TMEM150C: variants seen among roughly 807,000 people sequenced by gnomAD.
TMEM150C encodes tentonin 3.
In TMEM150C, 10 loss-of-function variants were observed where a neutral mutation model predicts 29.9. That is an observed-to-expected ratio of 0.33 (90% CI 0.21 to 0.57). The LOEUF is 0.57. Among genes scored for constraint, TMEM150C ranks in the 20% least tolerant of loss-of-function variants. TMEM150C has a pLI of 0.88. For synonymous variants in TMEM150C, 101 were observed against 112.5 expected (o/e 0.90, Z 0.64); for missense variants, 251 against 303.6 (o/e 0.83, Z 1.29).
intron 1 of TMEM150C, among the ~76,000 whole-genome samples, chr4:82,512,183 A>C (rs1233041259): frequency 6.6e-6 from 1 of 152,110 alleles, no homozygotes; most frequent in Non-Finnish European, 1.5e-5. Flanking sequence ...TGCCCACCCT[A>C]CTTCTCTCCC....
intron 6 of TMEM150C, chr4:82,495,612 C>A: frequency 5.7e-6 from 2 of 351,222 alleles, no homozygotes; most frequent in South Asian, 2.6e-5. Context: ...CTCTTTCTTT[C>A]TCCAGCTTTC....
chr4:82,494,955 T>TG (rs1282260860), intron 6 of TMEM150C: 5 of 616,146 alleles, frequency 8.1e-6, no homozygotes. Context: ...GGCCGAAAGT[T>TG]TAGCATATTC....
intron 1 of TMEM150C, among the ~76,000 whole-genome samples, chr4:82,523,233 G>C (rs1049279144): frequency 6.6e-6 from 1 of 152,160 alleles, no homozygotes; most frequent in African/African-American, 2.4e-5. Flanking sequence ...AGGGATGGGG[G>C]CGGGGGGGTG....
chr4:82,561,431 G>T (rs923915241), intron 1 of TMEM150C, among the ~76,000 whole-genome samples: 2 of 152,172 alleles, frequency 1.3e-5, no homozygotes, highest in African/African-American at 4.8e-5. Flanking sequence ...CTGGCTAACC[G>T]CAAAGTGCAG....
intron 1 of TMEM150C, among the ~76,000 whole-genome samples, chr4:82,538,673 G>A (rs2903815): frequency 0.029 from 4,423 of 152,106 alleles, 99 homozygotes; most frequent in Non-Finnish European, 0.045. Context: ...CCATTACCCC[G>A]GAGAGTTTAT....
chr4:82,551,417 T>A (rs934473157), intron 1 of TMEM150C, among the ~76,000 whole-genome samples: 5 of 152,238 alleles, frequency 3.3e-5, no homozygotes, highest in Non-Finnish European at 7.3e-5. Flanking sequence ...AATGCTTCAA[T>A]AAATCATATT....
In TMEM150C at chr4:82,483,591, C is replaced by T. The variant is rs1723062277; in HGVS notation, c.*1920G>A. 1 of 152,146 alleles carries T rather than the reference C, an allele frequency of 6.6e-6. No individual in the cohort carries two copies. Among genetic ancestry groups the T allele is most frequent in the Admixed American group, 6.5e-5 (1 of 15,276 alleles). 9.4% of individuals were successfully genotyped at this position (152,146 alleles called of 1,614,324 possible). A position where few individuals can be genotyped will look rare whatever the true frequency, so the allele number is the denominator to read the frequency against. ...GAAACAGCCATCTTCCATGCTCTCT[C>T]ACTCATCTTTGAGTCTCTCTCTGAC... On this transcript the variant is annotated 3_prime_UTR_variant, in exon 8 of 8. Transcript: ENST00000449862.
intron 1 of TMEM150C, among the ~76,000 whole-genome samples, chr4:82,537,085 C>G (rs1303498823): frequency 2.0e-5 from 3 of 152,088 alleles, no homozygotes; most frequent in African/African-American, 7.2e-5. Context: ...AGGTTCACAC[C>G]ATTCTCCTGC....
rs181547671 is a variant in TMEM150C at position 82,549,515 on chromosome 4, C to T, written c.-11+12391G>A. 4.4e-3 allele frequency among the ~76,000 whole-genome samples: 677 copies of T among 152,186 alleles called. 3 individuals carry two copies. The highest frequency in any genetic ancestry group is 0.014 in the African/African-American group (587 of 41,520). ...GGTATAGAGTTTCAGTTCTGTAAGA[C>T]GAAAGAAGTTTTGGAGATTGGATGT... On this transcript the variant is annotated intron_variant, in intron 1 of 7. Coordinates refer to ENST00000449862, the MANE Select transcript of TMEM150C (RefSeq NM_001080506.3).
chr4:82,520,411 C>A (rs1164976132), intron 1 of TMEM150C, among the ~76,000 whole-genome samples: 1 of 152,186 alleles, frequency 6.6e-6, no homozygotes, highest in Non-Finnish European at 1.5e-5. Context: ...ATGGTGGCTC[C>A]CCATCCTTCC....
intron 7 of TMEM150C, among the ~76,000 whole-genome samples, chr4:82,488,139 C>CT (rs2110061180): frequency 6.6e-6 from 1 of 152,274 alleles, no homozygotes; most frequent in Admixed American, 6.5e-5. Flanking sequence ...ATTCTTATGC[C>CT]TTTGTGTCCT....
upstream of TMEM150C, chr4:82,562,177 G>T (rs1410745917): frequency 7.8e-7 from 1 of 1,282,714 alleles, no homozygotes; most frequent in African/African-American, 1.5e-5. Flanking sequence ...GGCAGGAGCC[G>T]GGTGTGGGCG....
At chr4:82,549,077 T>TA (rs969049348) in intron 1 of TMEM150C, among the ~76,000 whole-genome samples, 27 of 146,684 alleles carry the variant, frequency 1.8e-4, no homozygotes, top group African/African-American at 2.5e-4. Context: ...TGAGAAGTAC[T>TA]AAAAAAAAAA....
intron 1 of TMEM150C, among the ~76,000 whole-genome samples, chr4:82,507,723 CTCTCTTTTTTTTTTT>C (rs1723976207): frequency 4.6e-5 from 4 of 86,054 alleles, no homozygotes; most frequent in African/African-American, 4.5e-5. Context: ...CTCTCTCTCT[CTCTCTTTTTTTTTTT>C]TTTTTTTTTT....
At chr4:82,535,516 G>A (rs1458831011) in intron 1 of TMEM150C, among the ~76,000 whole-genome samples, 1 of 152,142 alleles carries the variant, frequency 6.6e-6, no homozygotes, top group Non-Finnish European at 1.5e-5. Context: ...AATTCAGGTG[G>A]GGAAGCCACA....
At chr4:82,512,581 C>A (rs75482153) in intron 1 of TMEM150C, among the ~76,000 whole-genome samples, 1 of 152,124 alleles carries the variant, frequency 6.6e-6, no homozygotes, top group Non-Finnish European at 1.5e-5. Context: ...CATATGATAA[C>A]ACGATTTCAT....
chr4:82,505,717 TAATA>T (rs1049865276), intron 1 of TMEM150C, among the ~76,000 whole-genome samples: 52 of 152,134 alleles, frequency 3.4e-4, no homozygotes, highest in African/African-American at 1.2e-3. Flanking sequence ...AAATTAGTGC[TAATA>T]AATAGACTGA....
Position 82,561,950 on chromosome 4 carries a change from C to A in TMEM150C, c.-55G>T. ...CCGCTGTCGCCTCGAGGGGCTGTGA[C>A]CTGCTGCGGTGGCGGCGGCGGCAGC... On this transcript the variant is annotated 5_prime_UTR_variant, in exon 1 of 8. Transcript: ENST00000449862. 1 of 1,101,744 alleles carries A rather than the reference C, an allele frequency of 9.1e-7. No homozygotes were observed. The highest frequency in any genetic ancestry group is 1.1e-6 in the Non-Finnish European group (1 of 898,846). The allele number at this position is 1,101,744 out of a possible 1,614,324, so 68.2% of individuals were successfully genotyped here. A position where few individuals can be genotyped will look rare whatever the true frequency, so the allele number is the denominator to read the frequency against.
chr4:82,489,596 G>C (rs1287424166), intron 7 of TMEM150C, among the ~76,000 whole-genome samples: 1 of 152,038 alleles, frequency 6.6e-6, no homozygotes, highest in Non-Finnish European at 1.5e-5. Context: ...GCTTGAATTT[G>C]TCTTCCAGAA....
Sources: gnomAD v4.1 joint callset for allele counts (sites outside exome capture counted in the v4.1 genomes callset) on GRCh38, gnomAD v4.1.1 for gene constraint, MANE v1.5 for transcripts, NCBI Gene and HGNC (gene_info 2026-07-23, HGNC 2026-07-21) for gene names.